ZNF786: variants seen among roughly 807,000 people sequenced by gnomAD.
ZNF786 encodes zinc finger protein 786.
In ZNF786, 56 loss-of-function variants were observed where a neutral mutation model predicts 63.1. That is an observed-to-expected ratio of 0.89 (90% CI 0.72 to 1.11). The LOEUF is 1.11. Among genes scored for constraint, ZNF786 ranks in the 50% least tolerant of loss-of-function variants. The probability of loss-of-function intolerance (pLI) is 0.00; values close to 1 mark genes in which losing one functional copy is unlikely to be tolerated. For missense variants in ZNF786, 1,213 were observed against 1,041.8 expected, an observed-to-expected ratio of 1.16 and a Z score of -2.26; for synonymous variants, 485 against 406.9, an observed-to-expected ratio of 1.19 and a Z score of -2.31.
rs564038016 is a variant in ZNF786 at position 149,070,459 on chromosome 7, G to A, written c.2313C>T (p.Ser771=). The A allele has an allele frequency of 6.2e-7, 1 of 1,613,948 alleles. No homozygotes were observed. Among genetic ancestry groups the A allele is most frequent in the Admixed American group, 1.7e-5 (1 of 60,012 alleles). ...CGGCCTCTATCATTGCAAACAGTTG[G>A]CTGAGCCTTTTCTTAATGTCCAGTT... ...PNELDIKKRL[S]QLFAMIEADW... The change falls in exon 4 of 4, where the codon AGC becomes AGT. Residue 771 remains serine, a synonymous_variant. Transcript: ENST00000491431.
chr7:149,085,411 C>T (rs184885674), intron 1 of ZNF786, among the ~76,000 whole-genome samples: 34 of 152,300 alleles, frequency 2.2e-4, no homozygotes, highest in Admixed American at 1.4e-3. Context: ...TCTACCAAAA[C>T]AGTAACAAAA....
Position 149,070,237 on chromosome 7 carries a change from T to G in ZNF786, c.*186A>C. Reference sequence around the variant, plus strand: ...GAAAAAAAAAAAAAAAAGAAAGAAATATAATTGGTGATGCTTCTGAAGAGA... The same window carrying G: ...GAAAAAAAAAAAAAAAAGAAAGAAAGATAATTGGTGATGCTTCTGAAGAGA... On this transcript the variant is annotated 3_prime_UTR_variant, in exon 4 of 4. Transcript: ENST00000491431. 7.8e-6 allele frequency: 5 copies of G among 638,350 alleles called. No homozygotes were observed. Among genetic ancestry groups the G allele is most frequent in the East Asian group, 3.2e-5 (1 of 31,334 alleles). The allele number at this position is 638,350 out of a possible 1,614,324, so 39.5% of individuals were successfully genotyped here. A position where few individuals can be genotyped will look rare whatever the true frequency, so the allele number is the denominator to read the frequency against.
chr7:149,084,055 A>G (rs911594139), intron 1 of ZNF786, among the ~76,000 whole-genome samples: 2 of 152,064 alleles, frequency 1.3e-5, no homozygotes, highest in African/African-American at 4.8e-5. Flanking sequence ...CAATAATGGG[A>G]TTGTAGGGTC....
chr7:149,081,226 A>G (rs1251688482), intron 1 of ZNF786: 2 of 452,122 alleles, frequency 4.4e-6, no homozygotes, highest in South Asian at 3.1e-5. Flanking sequence ...TCACGAGGTC[A>G]GGAGTTCGAG....
At chr7:149,079,805 G>A (rs1469884902) in intron 2 of ZNF786, among the ~76,000 whole-genome samples, 2 of 149,692 alleles carry the variant, frequency 1.3e-5, no homozygotes, top group East Asian at 4.2e-4. Flanking sequence ...TCTTGACCTC[G>A]TGATCCACCT....
intron 1 of ZNF786, among the ~76,000 whole-genome samples, chr7:149,088,954 TTTC>T (rs1825783137): frequency 1.7e-5 from 2 of 118,904 alleles, no homozygotes; most frequent in Non-Finnish European, 3.3e-5. Flanking sequence ...CCCTGTTGAG[TTTC>T]TTTTTTTTTT....
At chr7:149,078,553 G>A (rs186003468) in intron 2 of ZNF786, among the ~76,000 whole-genome samples, 9 of 152,042 alleles carry the variant, frequency 5.9e-5, no homozygotes, top group East Asian at 2.0e-4. Flanking sequence ...GCGTGGTGGC[G>A]CATGCCTGTA....
Position 149,070,948 on chromosome 7 carries a change from C to T in ZNF786, c.1824G>A (p.Leu608=). 1 of 1,613,390 alleles carries T rather than the reference C, an allele frequency of 6.2e-7. No individual in the cohort carries two copies. The highest frequency in any genetic ancestry group is 8.5e-7 in the Non-Finnish European group (1 of 1,179,928). The change falls in exon 4 of 4, where the codon CTG becomes CTA. Residue 608 remains leucine, a synonymous_variant. Coordinates refer to ENST00000491431, the MANE Select transcript of ZNF786 (RefSeq NM_152411.4). ...CCGTGTGCAGGCGCTGATGGCTGAGCAGCTGCCCCTTCAGGCGGAAGCTCC... is the reference window on the plus strand; with the variant it reads ...CCGTGTGCAGGCGCTGATGGCTGAGTAGCTGCCCCTTCAGGCGGAAGCTCC... ...CNRSFRLKGQ[L]LSHQRLHTGE... is the part of the protein sequence containing the mutation.
chr7:149,072,266 C>T lies in ZNF786; in HGVS notation c.506G>A (p.Arg169Lys), dbSNP rs1471448603. The change falls in exon 4 of 4, where the codon AGA (arginine) becomes AAA (lysine). Residue 169 changes from arginine (R) to lysine (K), a missense_variant. Transcript: ENST00000491431. ...STLKEGIPGP[R>K]NLDLPGLWDV... ...CCACAAACCAGGAAGATCCAGATTT[C>T]TGGGACCTGGGATTCCTTCTTTTAG... is the stretch of plus-strand genomic sequence containing the variant. 1.2e-6 allele frequency: 2 copies of T among 1,613,504 alleles called. No homozygotes were observed. Among genetic ancestry groups the T allele is most frequent in the East Asian group, 4.5e-5 (2 of 44,876 alleles).
At chr7:149,087,052 A>G (rs1169742778) in intron 1 of ZNF786, among the ~76,000 whole-genome samples, 3 of 152,098 alleles carry the variant, frequency 2.0e-5, no homozygotes, top group Non-Finnish European at 4.4e-5. Context: ...CTTGTTGGTC[A>G]GGCTGGTCTT....
At position 149,072,286 on chromosome 7, in the gene ZNF786, T is replaced by G; in HGVS notation, c.486A>C (p.Lys162Asn). Residue 162 changes from lysine to asparagine, a missense_variant, in exon 4 of 4, where the codon AAA becomes AAC. Physicochemically the swap from Lys to Asn is moderately conservative, Grantham distance 94 (BLOSUM62 0). Transcript: ENST00000491431. ...LACGPSESTL[K>N]EGIPGPRNLD... ...GATTTCTGGGACCTGGGATTCCTTC[T>G]TTTAGGGTAGATTCACTGGGGCCGC... 2.3e-5 allele frequency: 37 copies of G among 1,613,698 alleles called. No homozygotes were observed. Among genetic ancestry groups the G allele is most frequent in the Non-Finnish European group, 3.1e-5 (37 of 1,179,790 alleles).
chr7:149,083,866 G>C (rs919961972), intron 1 of ZNF786, among the ~76,000 whole-genome samples: 6 of 152,168 alleles, frequency 3.9e-5, no homozygotes, highest in African/African-American at 1.2e-4. Context: ...CAAAGGATAT[G>C]ATTTTCTTTA....
intron 3 of ZNF786, among the ~76,000 whole-genome samples, chr7:149,073,365 G>GGAAGCCACGTC (rs1825466856): frequency 6.6e-6 from 1 of 152,108 alleles, no homozygotes; most frequent in African/African-American, 2.4e-5. Flanking sequence ...TAGTTAGGAA[G>GGAAGCCACGTC]GAAGCCACGT....
rs552244884 is a variant in ZNF786 at position 149,072,173 on chromosome 7, T to A, written c.599A>T (p.Asn200Ile). Residue 200 changes from asparagine to isoleucine, a missense_variant, in exon 4 of 4, where the codon AAC (asparagine) becomes ATC (isoleucine). By Grantham distance (149) the Asn-to-Ile change is moderately radical. Transcript: ENST00000491431. ...GCCTCTCTGGTGCATTACTAAATGG[T>A]TGTTCTCCCAACAGCTTTCCCCGCA... is the stretch of plus-strand genomic sequence containing the variant. ...PVCGESCWENNHLVMHQRGHS... is the reference protein window; with the variant it reads ...PVCGESCWENIHLVMHQRGHS... 1 of 1,613,316 alleles carries A rather than the reference T, an allele frequency of 6.2e-7. No individual in the cohort carries two copies.
intron 2 of ZNF786, among the ~76,000 whole-genome samples, chr7:149,077,284 G>A (rs549324274): frequency 2.0e-4 from 30 of 152,254 alleles, no homozygotes; most frequent in Admixed American, 1.3e-3. Context: ...ATTCATTTGG[G>A]GAGAGAATTG....
Position 149,071,848 on chromosome 7 carries a change from C to A in ZNF786, c.924G>T (p.Val308=). The A allele has an allele frequency of 6.3e-7, 1 of 1,597,556 alleles. No individual in the cohort carries two copies. The highest frequency in any genetic ancestry group is 8.5e-7 in the Non-Finnish European group (1 of 1,176,178). Residue 308 remains valine (V), a synonymous_variant, in exon 4 of 4, where the codon GTG becomes GTT. Coordinates refer to ENST00000491431, the MANE Select transcript of ZNF786 (RefSeq NM_152411.4). ...GGCACCGGCGAGCCTGCGTGCTGTCCACTGGGAGGGAGCGCTTGCCGCATG... is the reference window on the plus strand; with the variant it reads ...GGCACCGGCGAGCCTGCGTGCTGTCAACTGGGAGGGAGCGCTTGCCGCATG... ...CTPCGKRSLP[V]DSTQARRCQH...
chr7:149,086,193 T>C (rs1019429839), intron 1 of ZNF786, among the ~76,000 whole-genome samples: 1 of 152,254 alleles, frequency 6.6e-6, no homozygotes, highest in African/African-American at 2.4e-5. Flanking sequence ...GTCTGTTTAG[T>C]ATTGCTGTAA....
rs183682038 is a variant in ZNF786, at chr7:149,086,221, G to A, written c.18+4402C>T. ...TGCTGTAAAGGAACACCAAGGTGGG[G>A]TAATTTTTAAAGAAAAGAGGTTTAT... On this transcript the variant is annotated intron_variant, in intron 1 of 3. Coordinates refer to ENST00000491431, the MANE Select transcript of ZNF786 (RefSeq NM_152411.4). Among the ~76,000 whole-genome samples the A allele has an allele frequency of 7.4e-3, 1,134 of 152,288 alleles. 11 individuals are homozygous for A. The highest frequency in any genetic ancestry group is 0.013 in the Non-Finnish European group (861 of 68,018).
Position 149,070,994 on chromosome 7 carries a change from A to G in ZNF786, c.1778T>C (p.Phe593Ser). Residue 593 changes from phenylalanine to serine, a missense_variant, in exon 4 of 4, where the codon TTC becomes TCC. Phe to Ser is a radical substitution (Grantham distance 155). Coordinates refer to ENST00000491431, the MANE Select transcript of ZNF786 (RefSeq NM_152411.4). Reference sequence around the variant, plus strand: ...GCTCCTGTTGCACTCTGGGCACTGGAAGGGTCTCTCCCCGCTGTGCACGCG... The same window carrying G: ...GCTCCTGTTGCACTCTGGGCACTGGGAGGGTCTCTCCCCGCTGTGCACGCG... ...HLRVHSGERP[F>S]QCPECNRSFR... 1 of 1,613,070 alleles carries G rather than the reference A, an allele frequency of 6.2e-7. No individual in the cohort carries two copies. Among genetic ancestry groups the G allele is most frequent in the Non-Finnish European group, 8.5e-7 (1 of 1,179,854 alleles).
Sources: allele counts gnomAD v4.1 joint callset (sites outside exome capture counted in the v4.1 genomes callset), GRCh38; gene constraint gnomAD v4.1.1; transcripts MANE v1.5; gene names NCBI Gene and HGNC (gene_info 2026-07-23, HGNC 2026-07-21).